The following RPS6KB1 variants were observed in gnomAD, a reference collection of about 807,000 sequenced individuals.
RPS6KB1 encodes the protein ribosomal protein S6 kinase beta-1.
A neutral mutation model predicts 70.2 loss-of-function variants in RPS6KB1; 12 were observed. The observed-to-expected ratio is 0.17, with a 90% CI of 0.11 to 0.28. RPS6KB1 has a LOEUF of 0.28. RPS6KB1 is among the 10% of genes least tolerant of loss of function. RPS6KB1 has a pLI of 1.00. For synonymous variants in RPS6KB1, 175 were observed against 211.2 expected (o/e 0.83, Z 1.49); for missense variants, 270 against 646.6 (o/e 0.42, Z 6.32).
intron 12 of RPS6KB1, among the ~76,000 whole-genome samples, chr17:59,939,260 GT>G (rs2044439150): frequency 2.6e-5 from 4 of 152,102 alleles, no homozygotes; most frequent in Admixed American, 2.6e-4. Flanking sequence ...TTTCATCGCA[GT>G]TATTTTTATT....
At chr17:59,895,627 CTTTAT>C (rs747453145) in intron 1 of RPS6KB1, among the ~76,000 whole-genome samples, 24 of 150,126 alleles carry the variant, frequency 1.6e-4, no homozygotes, top group African/African-American at 4.2e-4. Flanking sequence ...AGGCTTTTTA[CTTTAT>C]TTTATTTTAA....
chr17:59,923,950 A>G (rs1242045514), intron 4 of RPS6KB1, among the ~76,000 whole-genome samples: 1 of 152,246 alleles, frequency 6.6e-6, no homozygotes, highest in Non-Finnish European at 1.5e-5. Flanking sequence ...TTCCAGCTAC[A>G]AACCTACTAA....
rs765563839 is a variant in RPS6KB1 at position 59,934,163 on chromosome 17, A to C, written c.689-7A>C. 4.6e-6 allele frequency: 7 copies of C among 1,528,940 alleles called. No individual in the cohort carries two copies. Among genetic ancestry groups the C allele is most frequent in the Non-Finnish European group, 6.3e-6 (7 of 1,102,790 alleles). The allele number at this position is 1,528,940 out of a possible 1,614,324, so 94.7% of individuals were successfully genotyped here. On this transcript the variant is annotated splice_polypyrimidine_tract_variant and splice_region_variant and intron_variant, in intron 7 of 14. Transcript: ENST00000225577. The surrounding 1 kb of genome is among the most constrained non-coding windows in gnomAD (Gnocchi z 4.8). ...GAGAATAATCATGCTGTAATCTTTCATTGTAGGTCATGTGAAACTAACAGA... is the reference window on the plus strand; with the variant it reads ...GAGAATAATCATGCTGTAATCTTTCCTTGTAGGTCATGTGAAACTAACAGA...
chr17:59,947,301 T>C lies in RPS6KB1; in HGVS notation c.*513T>C. ...ACGTGCAAACAACCTGAATCTTTTT[T>C]TTATATAAATATATATTTTTCAAAT... On this transcript the variant is annotated 3_prime_UTR_variant, in exon 15 of 15. Transcript: ENST00000225577. The C allele has an allele frequency of 3.0e-6, 3 of 1,001,758 alleles. No individual in the cohort carries two copies. The highest frequency in any genetic ancestry group is 3.6e-6 in the Non-Finnish European group (3 of 823,840). 62.1% of individuals were successfully genotyped at this position (1,001,758 alleles called of 1,614,324 possible). A position where few individuals can be genotyped will look rare whatever the true frequency, so the allele number is the denominator to read the frequency against.
At chr17:59,900,232 CCCT>C (rs1568377928) in intron 1 of RPS6KB1, among the ~76,000 whole-genome samples, 2 of 104,824 alleles carry the variant, frequency 1.9e-5, no homozygotes, top group Non-Finnish European at 4.3e-5. Context: ...ACACACACAC[CCCT>C]ATGTGTTTTT....
At chr17:59,925,972 C>T (rs1447791497) in intron 4 of RPS6KB1, among the ~76,000 whole-genome samples, 1 of 151,928 alleles carries the variant, frequency 6.6e-6, no homozygotes, top group South Asian at 2.1e-4. Context: ...AACTTTCAAG[C>T]GAGACTTTCT....
intron 10 of RPS6KB1, 147 bp from the exon 11 acceptor site, chr17:59,936,068 A>G (rs1221892753): frequency 7.4e-6 from 5 of 673,416 alleles, no homozygotes; most frequent in South Asian, 1.8e-5. Flanking sequence ...CAGCCTCCCA[A>G]AGTGCTGGGA....
rs373972797 is a variant in RPS6KB1, at chr17:59,926,485, G to T, written c.432G>T (p.Arg144=). ...AKDTAHTKAE[R]NILEEVKHPF... ...ATACAGCTCATACAAAAGCAGAACG[G>T]AATATTCTGGAGGAAGTAAAGCATC... The change falls in exon 5 of 15, where the codon CGG becomes CGT. Residue 144 remains arginine, a synonymous_variant. Coordinates refer to ENST00000225577, the MANE Select transcript of RPS6KB1 (RefSeq NM_003161.4). 6.2e-7 allele frequency: 1 copy of T among 1,611,330 alleles called. No individual in the cohort carries two copies. Among genetic ancestry groups the T allele is most frequent in the Non-Finnish European group, 8.5e-7 (1 of 1,177,908 alleles).
chr17:59,923,272 A>G (rs1217092816), intron 4 of RPS6KB1, among the ~76,000 whole-genome samples: 1 of 151,304 alleles, frequency 6.6e-6, no homozygotes, highest in Non-Finnish European at 1.5e-5. Context: ...GCTCACTGCA[A>G]CCTCTGCCTC....
intron 6 of RPS6KB1, chr17:59,930,974 AT>A (rs962462564): frequency 1.3e-5 from 2 of 152,612 alleles, no homozygotes; most frequent in Admixed American, 6.5e-5. Context: ...GGATTGCAAC[AT>A]TGTTATGCAG....
Position 59,948,416 on chromosome 17 carries a change from G to C in RPS6KB1, c.*1628G>C, listed in dbSNP as rs2045046759. 6.6e-6 allele frequency: 1 copy of C among 152,442 alleles called. No homozygotes were observed. The highest frequency in any genetic ancestry group is 2.4e-5 in the African/African-American group (1 of 41,376). 9.4% of individuals were successfully genotyped at this position (152,442 alleles called of 1,614,324 possible). On this transcript the variant is annotated 3_prime_UTR_variant, in exon 15 of 15. Coordinates refer to ENST00000225577, the MANE Select transcript of RPS6KB1 (RefSeq NM_003161.4). ...CCTAGGATTTTTTTAAATAGATGCTGCTTGCTATGTTTTCAAACCTTTTTG... is the reference window on the plus strand; with the variant it reads ...CCTAGGATTTTTTTAAATAGATGCTCCTTGCTATGTTTTCAAACCTTTTTG...
chr17:59,941,045 C>A, intron 13 of RPS6KB1, 102 bp downstream of exon 13: 1 of 624,278 alleles, frequency 1.6e-6, no homozygotes, highest in Non-Finnish European at 2.7e-6. Context: ...TGTAGGTAAC[C>A]TGGCCCACTT....
intron 12 of RPS6KB1, among the ~76,000 whole-genome samples, chr17:59,940,591 A>G (rs2044520027): frequency 1.3e-5 from 2 of 152,142 alleles, no homozygotes; most frequent in Admixed American, 6.5e-5. Context: ...CAGTCGATAT[A>G]TTCACATTTT....
At chr17:59,922,776 C>T (rs2043351443) in intron 4 of RPS6KB1, among the ~76,000 whole-genome samples, 1 of 151,674 alleles carries the variant, frequency 6.6e-6, no homozygotes, top group Non-Finnish European at 1.5e-5. Flanking sequence ...GATCTCTTGA[C>T]CCCGTGATCT....
intron 4 of RPS6KB1, among the ~76,000 whole-genome samples, chr17:59,925,541 A>G (rs970664168): frequency 6.6e-6 from 1 of 151,922 alleles, no homozygotes; most frequent in African/African-American, 2.4e-5. Context: ...TTGGTTTATT[A>G]TACTAGCCTC....
At chr17:59,911,538 GTTT>G (rs1184826889) in intron 2 of RPS6KB1, among the ~76,000 whole-genome samples, 1,733 of 74,630 alleles carry the variant, frequency 0.023, 15 homozygotes, top group Non-Finnish European at 0.034. Context: ...TTTTTGTTGG[GTTT>G]TTTTTTTTTT....
chr17:59,930,648 T>A (rs1406559350), intron 6 of RPS6KB1, among the ~76,000 whole-genome samples: 2 of 152,224 alleles, frequency 1.3e-5, no homozygotes, highest in African/African-American at 4.8e-5. Context: ...TGTCATCTGC[T>A]TCAAATTAAA....
chr17:59,901,796 C>G (rs776490422), intron 1 of RPS6KB1, among the ~76,000 whole-genome samples: 1 of 151,406 alleles, frequency 6.6e-6, no homozygotes, highest in African/African-American at 2.4e-5. Context: ...TTTGGGAGGC[C>G]GAGGCAGGAG....
rs951358695 is a variant in RPS6KB1 at position 59,894,016 on chromosome 17, C to T, written c.141+691C>T. The T allele has an allele frequency of 3.5e-6, 3 of 850,162 alleles. No individual in the cohort carries two copies. The African/African-American group carries it at 5.5e-5, about 16-fold the overall frequency. 52.7% of individuals were successfully genotyped at this position (850,162 alleles called of 1,614,324 possible). A position where few individuals can be genotyped will look rare whatever the true frequency, so the allele number is the denominator to read the frequency against. On this transcript the variant is annotated intron_variant, in intron 1 of 14. Coordinates refer to ENST00000225577, the MANE Select transcript of RPS6KB1 (RefSeq NM_003161.4). ...GACACACGGCACTTGTAACCTTTCC[C>T]CAAGTTGAAGATGTCTGTATTTTTT... is the stretch of plus-strand genomic sequence containing the variant.
Sources: allele counts gnomAD v4.1 joint callset (sites outside exome capture counted in the v4.1 genomes callset), GRCh38; gene constraint gnomAD v4.1.1; non-coding constraint Gnocchi (gnomAD v3.1); transcripts MANE v1.5; gene names NCBI Gene and HGNC (gene_info 2026-07-23, HGNC 2026-07-21).